Variants in DNAJC16 observed in about 807,000 individuals in gnomAD.
DNAJC16 encodes the protein DnaJ heat shock protein family (Hsp40) member C16.
In DNAJC16, 76 loss-of-function variants were observed where a neutral mutation model predicts 92.7. The observed-to-expected ratio is 0.82, with a 90% CI of 0.68 to 0.99. The LOEUF (loss-of-function observed/expected upper bound fraction) is 0.99. Among genes scored for constraint, DNAJC16 ranks in the 50% least tolerant of loss-of-function variants. The probability of loss-of-function intolerance (pLI) is 0.00; values close to 1 mark genes in which losing one functional copy is unlikely to be tolerated. For synonymous variants in DNAJC16, 328 were observed against 358.7 expected, an observed-to-expected ratio of 0.91 and a Z score of 0.97; for missense variants, 869 against 942.4, an observed-to-expected ratio of 0.92 and a Z score of 1.02.
chr1:15,568,055 TC>T lies in DNAJC16; in HGVS notation c.2229del (p.Cys744ValfsTer12). On this transcript the variant is annotated frameshift_variant, in exon 15 of 15. Coordinates refer to ENST00000375847, the MANE Select transcript of DNAJC16 (RefSeq NM_015291.4). LOFTEE classifies it high-confidence loss of function. Reference sequence around the variant, plus strand: ...CCTGGGTGAATCTCGAGGGAAACCTTCCTGTGGCCTTGGATCCAGGCCCATC... The same window carrying T: ...CCTGGGTGAATCTCGAGGGAAACCTTCTGTGGCCTTGGATCCAGGCCCATC... ...LYLGESRGKP[S>X]CGLGSRPIKG... is the part of the protein sequence containing the mutation. 6.2e-7 allele frequency: 1 copy of T among 1,614,200 alleles called. No individual in the cohort carries two copies. The highest frequency in any genetic ancestry group is 8.5e-7 in the Non-Finnish European group (1 of 1,180,030).
chr1:15,539,544 C>CT (rs893838216), intron 4 of DNAJC16, among the ~76,000 whole-genome samples: 83 of 148,718 alleles, frequency 5.6e-4, no homozygotes, highest in Middle Eastern at 3.5e-3. Flanking sequence ...CCACGCCTGG[C>CT]TTTTTTTTTT....
chr1:15,567,453 C>T (rs1638845921), intron 14 of DNAJC16, among the ~76,000 whole-genome samples, 184 bp downstream of exon 14: 3 of 152,192 alleles, frequency 2.0e-5, no homozygotes, highest in Non-Finnish European at 4.4e-5. Context: ...CACTTCACTT[C>T]GTGTTTTGTT....
intron 4 of DNAJC16, among the ~76,000 whole-genome samples, chr1:15,541,928 A>T (rs1376640948): frequency 6.6e-6 from 1 of 152,120 alleles, no homozygotes; most frequent in Admixed American, 6.6e-5. Flanking sequence ...TTTGACTCTG[A>T]TTCCTGAGAT....
chr1:15,538,789 A>C (rs867039367), intron 4 of DNAJC16, among the ~76,000 whole-genome samples: 4 of 152,234 alleles, frequency 2.6e-5, no homozygotes, highest in African/African-American at 7.2e-5. Context: ...ACTGTCTAGA[A>C]AAAAAGTCAT....
At chr1:15,539,161 G>T (rs1227473708) in intron 4 of DNAJC16, among the ~76,000 whole-genome samples, 1 of 152,178 alleles carries the variant, frequency 6.6e-6, no homozygotes, top group African/African-American at 2.4e-5. Flanking sequence ...ATTCCCGAGG[G>T]TGTGCAGATT....
In DNAJC16 at chr1:15,568,337, C is replaced by G. The variant is rs1017624902; in HGVS notation, c.*160C>G. 9.5e-6 allele frequency: 6 copies of G among 629,032 alleles called. No individual in the cohort carries two copies. The highest frequency in any genetic ancestry group is 5.7e-5 in the East Asian group (2 of 35,220). The allele number at this position is 629,032 out of a possible 1,614,324, so 39.0% of individuals were successfully genotyped here. On this transcript the variant is annotated 3_prime_UTR_variant, in exon 15 of 15. Transcript: ENST00000375847. ...AATCTTTCCTTTGTCCTGTTCTAAC[C>G]TAGGAATGAAAAACACCACCAGTTT...
At chr1:15,557,364 C>CT (rs1471805414) in intron 7 of DNAJC16, among the ~76,000 whole-genome samples, 2 of 152,144 alleles carry the variant, frequency 1.3e-5, no homozygotes, top group Non-Finnish European at 2.9e-5. Context: ...TTCTTGTCAT[C>CT]TTTGAGAATG....
At chr1:15,544,710 T>TA (rs1638248111) in intron 5 of DNAJC16, 127 bp downstream of exon 5, 3 of 832,776 alleles carry the variant, frequency 3.6e-6, no homozygotes, top group Admixed American at 2.6e-5. Context: ...GCATGACACT[T>TA]ATTAATTAAT....
Position 15,534,301 on chromosome 1 carries a change from G to T in DNAJC16, c.232G>T (p.Glu78Ter). ...DKFIQISKAYEILSNEEKRSN... is the reference protein window; with the variant it reads ...DKFIQISKAY ...GTTCATTCAAATCAGTAAGGCTTAC[G>T]AGGTATCGTGTCCAGCTTTGTGATG... The change falls in exon 3 of 15, where the codon GAG (glutamate) becomes TAG (stop). Residue 78 changes from glutamate (E) to a stop codon, truncating the protein, a stop_gained and splice_region_variant. Coordinates refer to ENST00000375847, the MANE Select transcript of DNAJC16 (RefSeq NM_015291.4). LOFTEE classifies it high-confidence loss of function. The T allele has an allele frequency of 6.2e-7, 1 of 1,613,982 alleles. No individual in the cohort carries two copies. The highest frequency in any genetic ancestry group is 1.3e-5 in the African/African-American group (1 of 75,028).
intron 13 of DNAJC16, 149 bp downstream of exon 13, chr1:15,566,329 G>C (rs1351538127): frequency 1.0e-5 from 7 of 669,468 alleles, no homozygotes; most frequent in Non-Finnish European, 1.8e-5. Context: ...AAAAGTCACT[G>C]TGATTTGTGT....
intron 13 of DNAJC16, chr1:15,566,391 G>A: frequency 1.8e-6 from 1 of 549,796 alleles, no homozygotes; most frequent in Non-Finnish European, 3.2e-6. Flanking sequence ...AATGAAGGCA[G>A]AAGGAAAGAA....
At chr1:15,536,072 C>CTTTTTTTT (rs758451008) in intron 3 of DNAJC16, among the ~76,000 whole-genome samples, 5 of 84,574 alleles carry the variant, frequency 5.9e-5, no homozygotes, top group African/African-American at 1.5e-4. Flanking sequence ...CTTTTCTTTT[C>CTTTTTTTT]TTTTTTTTTT....
rs529889834 is a variant in DNAJC16, at chr1:15,547,869, C to T, written c.865-401C>T. ...AGACCTGCCCTGTGAATGATTCCCC[C>T]ACTACACTCCCAGCCTACCTACACT... is the stretch of plus-strand genomic sequence containing the variant. On this transcript the variant is annotated intron_variant, in intron 6 of 14. Transcript: ENST00000375847. Among the ~76,000 whole-genome samples the T allele has an allele frequency of 9.5e-4, 144 of 152,160 alleles. No individual in the cohort carries two copies. The South Asian group carries it at 9.6e-3, about 10-fold the overall frequency.
chr1:15,530,490 G>A (rs1251787286), intron 2 of DNAJC16, among the ~76,000 whole-genome samples: 1 of 152,218 alleles, frequency 6.6e-6, no homozygotes, highest in African/African-American at 2.4e-5. Flanking sequence ...AAGCAGAAGT[G>A]TTGGATTATA....
In DNAJC16 at chr1:15,568,234, A is replaced by C; in HGVS notation, c.*57A>C. ...GACTTTTTAACATGCCCCTGTGAAC[A>C]GGTATTTTCAGGACTCAAACTACCA... On this transcript the variant is annotated 3_prime_UTR_variant, in exon 15 of 15. Coordinates refer to ENST00000375847, the MANE Select transcript of DNAJC16 (RefSeq NM_015291.4). 1 of 1,401,500 alleles carries C rather than the reference A, an allele frequency of 7.1e-7. No individual in the cohort carries two copies. The highest frequency in any genetic ancestry group is 9.8e-7 in the Non-Finnish European group (1 of 1,024,936). The allele number at this position is 1,401,500 out of a possible 1,614,324, so 86.8% of individuals were successfully genotyped here. A position where few individuals can be genotyped will look rare whatever the true frequency, so the allele number is the denominator to read the frequency against.
rs773664587 is a variant in DNAJC16, at chr1:15,536,550, C to G, written c.310C>G (p.Gln104Glu). 1 of 1,614,184 alleles carries G rather than the reference C, an allele frequency of 6.2e-7. No homozygotes were observed. The highest frequency in any genetic ancestry group is 8.5e-7 in the Non-Finnish European group (1 of 1,180,030). The stretch of plus-strand genomic sequence containing the variant: ...TGGAGAGAACCAGGGCTACCAGAAG[C>G]AGCAACAGCAGCGAGAGTATCGCTT... ...DAGENQGYQKQQQQREYRFRH... is the reference protein window; with the variant it reads ...DAGENQGYQKEQQQREYRFRH... The change falls in exon 4 of 15, where the codon CAG becomes GAG. Residue 104 changes from glutamine to glutamate, a missense_variant. Gln to Glu is a conservative substitution (Grantham distance 29). Transcript: ENST00000375847.
At chr1:15,566,357 G>GC in intron 13 of DNAJC16, 177 bp downstream of exon 13, 1 of 592,410 alleles carries the variant, frequency 1.7e-6, no homozygotes, top group Non-Finnish European at 3.0e-6. Flanking sequence ...GACCCTGTAG[G>GC]TGTTTAGATG....
At chr1:15,545,551 T>C (rs1271899370) in intron 5 of DNAJC16, among the ~76,000 whole-genome samples, 1 of 152,232 alleles carries the variant, frequency 6.6e-6, no homozygotes, top group East Asian at 1.9e-4. Context: ...TGGGAAAGGC[T>C]TCCTGGCAGA....
chr1:15,564,438 A>C, intron 11 of DNAJC16, 79 bp downstream of exon 11: 1 of 966,668 alleles, frequency 1.0e-6, no homozygotes, highest in Non-Finnish European at 1.7e-6. Flanking sequence ...AGAGTTCATC[A>C]TTATTAAATT....
Sources: gnomAD v4.1 joint callset for allele counts (sites outside exome capture counted in the v4.1 genomes callset) on GRCh38, gnomAD v4.1.1 for gene constraint, MANE v1.5 for transcripts, NCBI Gene and HGNC (gene_info 2026-07-23, HGNC 2026-07-21) for gene names.